The following MAST4 variants were observed in gnomAD, a reference collection of about 807,000 sequenced individuals.
The protein encoded by MAST4 is microtubule-associated serine/threonine-protein kinase 4.
In MAST4, 89 loss-of-function variants were observed where a neutral mutation model predicts 162.7. That is an observed-to-expected ratio of 0.55 (90% CI 0.46 to 0.65). The LOEUF is 0.65. Ranked by LOEUF, MAST4 falls within the 30% of genes least tolerant of loss-of-function variation. The pLI, the probability that MAST4 is intolerant of heterozygous loss-of-function variation, is 0.00. For missense variants in MAST4, 3,153 were observed against 3,374.0 expected (o/e 0.93, Z 1.62); for synonymous variants, 1,479 against 1,361.1 (o/e 1.09, Z -1.91).
intron 4 of MAST4, among the ~76,000 whole-genome samples, chr5:66,994,358 T>G (rs1160462339): frequency 6.6e-6 from 1 of 152,242 alleles, no homozygotes; most frequent in Admixed American, 6.5e-5. Flanking sequence ...CTATTGCTGC[T>G]GTTTACATGT....
At chr5:67,091,504 C>T (rs1763865225) in intron 6 of MAST4, among the ~76,000 whole-genome samples, 1 of 152,132 alleles carries the variant, frequency 6.6e-6, no homozygotes, top group African/African-American at 2.4e-5. Context: ...TCCCAGAAAG[C>T]CTGTTTACCC....
intron 1 of MAST4, among the ~76,000 whole-genome samples, chr5:66,608,906 A>C (rs1743086871): frequency 6.6e-6 from 1 of 152,090 alleles, no homozygotes; most frequent in Admixed American, 6.5e-5. Context: ...ACTGTCCTTT[A>C]GAAAATGCTG....
intron 1 of MAST4, among the ~76,000 whole-genome samples, chr5:66,713,484 A>G (rs1031412991): frequency 1.3e-5 from 2 of 152,222 alleles, no homozygotes; most frequent in African/African-American, 2.4e-5. Context: ...TATGTTGAGT[A>G]TCAAGCAAGA....
intron 5 of MAST4, among the ~76,000 whole-genome samples, chr5:67,081,114 A>AT (rs1274741837): frequency 7.1e-6 from 1 of 141,312 alleles, no homozygotes; most frequent in Non-Finnish European, 1.5e-5. Context: ...TATATTATAT[A>AT]TTTTTTTTTA....
intron 4 of MAST4, among the ~76,000 whole-genome samples, chr5:66,911,720 T>C (rs921420404): frequency 6.6e-6 from 1 of 151,780 alleles, no homozygotes; most frequent in Non-Finnish European, 1.5e-5. Flanking sequence ...GGCAACAGAG[T>C]GGTACCCTGT....
At position 67,164,754 on chromosome 5, in the gene MAST4, C is replaced by T; in HGVS notation, c.5575C>T (p.Leu1859Phe). 1 of 1,614,004 alleles carries T rather than the reference C, an allele frequency of 6.2e-7. No homozygotes were observed. The highest frequency in any genetic ancestry group is 8.5e-7 in the Non-Finnish European group (1 of 1,179,894). ...KKNDTTSARE[L>F]SPSSLKMNKS... is the part of the protein sequence containing the mutation. ...GAACGATACCACCAGTGCAAGAGAGCTTTCTCCTTCCAGCTTAAAGATGAA... is the reference window on the plus strand; with the variant it reads ...GAACGATACCACCAGTGCAAGAGAGTTTTCTCCTTCCAGCTTAAAGATGAA... Residue 1859 changes from leucine (L) to phenylalanine (F), a missense_variant, in exon 29 of 29, where the codon CTT becomes TTT. This residue lies in a region of MAST4 where 1,644 missense variants were observed against 1,495.0 expected (regional missense o/e 1.10). Transcript: ENST00000403625. The surrounding 1 kb of genome is among the most constrained non-coding windows in gnomAD (Gnocchi z 5.3).
In MAST4 at chr5:66,759,959, T is replaced by C. The variant is rs542476185; in HGVS notation, c.517+97T>C. On this transcript the variant is annotated intron_variant, in intron 2 of 28. Transcript: ENST00000403625. ...CACATGTAATCAGCTTTCTTAAGAA[T>C]GGGCCTGCCTCTGCAGACCATTTCA... 1.2e-4 allele frequency: 155 copies of C among 1,327,804 alleles called. No homozygotes were observed. The African/African-American group carries it at 2.1e-3, about 18-fold the overall frequency. The allele number at this position is 1,327,804 out of a possible 1,614,324, so 82.3% of individuals were successfully genotyped here.
chr5:66,664,783 AAT>A (rs1181882084), intron 1 of MAST4, among the ~76,000 whole-genome samples: 2 of 152,254 alleles, frequency 1.3e-5, no homozygotes, highest in South Asian at 2.1e-4. Flanking sequence ...CAGTATGTTC[AAT>A]GAATTAAAAG....
chr5:66,893,457 A>G (rs2149954473), intron 3 of MAST4, among the ~76,000 whole-genome samples: 1 of 151,578 alleles, frequency 6.6e-6, no homozygotes, highest in African/African-American at 2.4e-5. Flanking sequence ...CGAACTCCTG[A>G]CCTCAAGTGA....
intron 3 of MAST4, among the ~76,000 whole-genome samples, chr5:66,821,091 G>A (rs957725257): frequency 1.3e-5 from 2 of 152,192 alleles, no homozygotes; most frequent in Non-Finnish European, 2.9e-5. Context: ...GATCCCACCT[G>A]CAATTTTTGC....
At chr5:67,026,832 G>T (rs978732940) in intron 4 of MAST4, among the ~76,000 whole-genome samples, 6 of 152,084 alleles carry the variant, frequency 3.9e-5, no homozygotes, top group Non-Finnish European at 8.8e-5. Flanking sequence ...CACAGATGTG[G>T]AGGGCAAAGA....
At chr5:66,686,619 T>C (rs997186031) in intron 1 of MAST4, among the ~76,000 whole-genome samples, 3 of 152,220 alleles carry the variant, frequency 2.0e-5, no homozygotes, top group South Asian at 2.1e-4. Flanking sequence ...AGGATTCCAA[T>C]TGGATGCTTG....
At chr5:67,006,535 A>G (rs1752057103) in intron 4 of MAST4, among the ~76,000 whole-genome samples, 1 of 152,190 alleles carries the variant, frequency 6.6e-6, no homozygotes, top group Non-Finnish European at 1.5e-5. Context: ...AGAATCCCTT[A>G]AATATTTCTG....
intron 4 of MAST4, among the ~76,000 whole-genome samples, chr5:67,041,112 G>A (rs1055263964): frequency 4.6e-5 from 7 of 152,182 alleles, no homozygotes; most frequent in Admixed American, 1.3e-4. Context: ...TCTCCATGAA[G>A]CTAATAAGAA....
chr5:66,856,242 A>G (rs564921415), intron 3 of MAST4, among the ~76,000 whole-genome samples: 20 of 152,286 alleles, frequency 1.3e-4, no homozygotes, highest in Admixed American at 6.5e-4. Flanking sequence ...CACTGTGGCT[A>G]AGGCTGATGT....
intron 4 of MAST4, among the ~76,000 whole-genome samples, chr5:66,910,723 CAT>C (rs1724294652): frequency 7.1e-6 from 1 of 141,282 alleles, no homozygotes; most frequent in African/African-American, 2.7e-5. Flanking sequence ...TCTGAATACA[CAT>C]GTGGTTTTTT....
intron 1 of MAST4, among the ~76,000 whole-genome samples, chr5:66,650,343 G>C (rs542508654): frequency 2.6e-4 from 39 of 152,168 alleles, no homozygotes; most frequent in Admixed American, 4.6e-4. Flanking sequence ...AGCCTACCTG[G>C]CTCTATGGAA....
chr5:67,032,258 T>C lies in MAST4; in HGVS notation c.675-22146T>C, dbSNP rs529298722. On this transcript the variant is annotated intron_variant, in intron 4 of 28. Transcript: ENST00000403625. The stretch of plus-strand genomic sequence containing the variant: ...CTTTCTAATGAAGATTCCAGGATCT[T>C]TAGGAGAAACTGTAAAATGGAAACT... Among the ~76,000 whole-genome samples the C allele has an allele frequency of 2.6e-5, 4 of 152,268 alleles. No individual in the cohort carries two copies. In the South Asian group the frequency reaches 6.2e-4, roughly 24 times the overall value.
At chr5:66,757,694 A>T (rs1392759715) in intron 1 of MAST4, among the ~76,000 whole-genome samples, 2 of 152,180 alleles carry the variant, frequency 1.3e-5, no homozygotes, top group Non-Finnish European at 2.9e-5. Context: ...TGCATGTGTG[A>T]AGAGGAGAGA....
Sources: gnomAD v4.1 joint callset for allele counts (sites outside exome capture counted in the v4.1 genomes callset) on GRCh38, gnomAD v4.1.1 for gene constraint, gnomAD v4.1.1 regional missense constraint, Gnocchi (gnomAD v3.1) non-coding constraint, MANE v1.5 for transcripts, NCBI Gene and HGNC (gene_info 2026-07-23, HGNC 2026-07-21) for gene names.